The following ARHGAP18 variants were observed in gnomAD, a reference collection of about 807,000 sequenced individuals.
ARHGAP18 encodes Rho GTPase activating protein 18.
A neutral mutation model predicts 86.2 loss-of-function variants in ARHGAP18; 67 were observed. That is an observed-to-expected ratio of 0.78 (90% CI 0.64 to 0.95). The LOEUF (loss-of-function observed/expected upper bound fraction) is 0.95, where lower values mean the gene tolerates loss of function less well. ARHGAP18 is among the 40% of genes least tolerant of loss of function. ARHGAP18 has a pLI of 0.00. For missense variants in ARHGAP18, 691 were observed against 780.4 expected, an observed-to-expected ratio of 0.89 and a Z score of 1.37; for synonymous variants, 283 against 280.4, an observed-to-expected ratio of 1.01 and a Z score of -0.09.
chr6:129,663,119 A>G (rs1773984219), intron 1 of ARHGAP18, among the ~76,000 whole-genome samples: 1 of 152,192 alleles, frequency 6.6e-6, no homozygotes, highest in Non-Finnish European at 1.5e-5. Context: ...ATGTGGCCAC[A>G]AAACCCATGC....
intron 11 of ARHGAP18, 112 bp downstream of exon 11, chr6:129,600,530 T>A: frequency 1.2e-6 from 1 of 847,812 alleles, no homozygotes; most frequent in Non-Finnish European, 1.8e-6. Flanking sequence ...GAATAAAATG[T>A]TTTTAATATT....
chr6:129,664,172 G>A (rs1458279888), intron 1 of ARHGAP18, among the ~76,000 whole-genome samples: 6 of 152,160 alleles, frequency 3.9e-5, no homozygotes, highest in South Asian at 4.1e-4. Context: ...TCATTATCTC[G>A]AACCCATCAC....
Position 129,656,513 on chromosome 6 carries a change from C to T in ARHGAP18, c.114-14495G>A, listed in dbSNP as rs190132096. ...AAAGTTAGCTGGGCATGGTGGTACG[C>T]GCCTATAATCCCAGCTACTTGGGAA... On this transcript the variant is annotated intron_variant, in intron 1 of 14. Transcript: ENST00000368149. 9.2e-5 allele frequency among the ~76,000 whole-genome samples: 14 copies of T among 152,080 alleles called. No individual in the cohort carries two copies. In the East Asian group the frequency reaches 1.2e-3, roughly 13 times the overall value.
intron 1 of ARHGAP18, among the ~76,000 whole-genome samples, chr6:129,668,912 T>C (rs913961526): frequency 6.6e-6 from 1 of 152,228 alleles, no homozygotes; most frequent in Non-Finnish European, 1.5e-5. Flanking sequence ...CACAGAACTC[T>C]GGGTATAATA....
chr6:129,705,101 C>A (rs190923825), intron 1 of ARHGAP18, among the ~76,000 whole-genome samples: 1 of 152,318 alleles, frequency 6.6e-6, no homozygotes, highest in East Asian at 1.9e-4. Context: ...CTCCAGGCTA[C>A]CCTCCCTGCA....
At chr6:129,635,733 A>C (rs1297948183) in intron 3 of ARHGAP18, among the ~76,000 whole-genome samples, 2 of 152,224 alleles carry the variant, frequency 1.3e-5, no homozygotes, top group Non-Finnish European at 2.9e-5. Context: ...GGCTGGCCCA[A>C]GTTTGCTTGA....
chr6:129,587,703 C>A (rs778039617), intron 12 of ARHGAP18, among the ~76,000 whole-genome samples: 2 of 152,120 alleles, frequency 1.3e-5, no homozygotes, highest in Non-Finnish European at 2.9e-5. Flanking sequence ...GGGTTACCAC[C>A]CCCATGATTC....
Position 129,584,205 on chromosome 6 carries a change from C to A in ARHGAP18, c.1714-93G>T, listed in dbSNP as rs543074858. Reference sequence around the variant, plus strand: ...ATATAGTAAGTGTGCTTAACTACTACGCATTTTACTTCACTACATAAAAAC... The same window carrying A: ...ATATAGTAAGTGTGCTTAACTACTAAGCATTTTACTTCACTACATAAAAAC... On this transcript the variant is annotated intron_variant, in intron 12 of 14. Coordinates refer to ENST00000368149, the MANE Select transcript of ARHGAP18 (RefSeq NM_033515.3). 9 of 1,499,250 alleles carry A rather than the reference C, an allele frequency of 6.0e-6. No individual in the cohort carries two copies. The East Asian group carries it at 2.1e-4, about 36-fold the overall frequency. 92.9% of individuals were successfully genotyped at this position (1,499,250 alleles called of 1,614,324 possible). A position where few individuals can be genotyped will look rare whatever the true frequency, so the allele number is the denominator to read the frequency against.
At chr6:129,616,851 G>C (rs945251726) in intron 6 of ARHGAP18, among the ~76,000 whole-genome samples, 3 of 152,122 alleles carry the variant, frequency 2.0e-5, no homozygotes, top group Non-Finnish European at 4.4e-5. Flanking sequence ...AGCTACTTGG[G>C]GGGCTGAGGT....
At chr6:129,695,854 T>C (rs895325473) in intron 1 of ARHGAP18, among the ~76,000 whole-genome samples, 2 of 152,136 alleles carry the variant, frequency 1.3e-5, no homozygotes, top group Non-Finnish European at 2.9e-5. Flanking sequence ...GGGAAAAACA[T>C]TGTCCACCAC....
intron 1 of ARHGAP18, among the ~76,000 whole-genome samples, chr6:129,668,296 C>A (rs1216999690): frequency 6.6e-6 from 1 of 151,040 alleles, no homozygotes; most frequent in Non-Finnish European, 1.5e-5. Flanking sequence ...GTGCATGGAG[C>A]ACATGTGCAA....
At position 129,619,195 on chromosome 6, in the gene ARHGAP18, C is replaced by T. The variant is rs1789160040; in HGVS notation, c.787-343G>A. 4.5e-5 allele frequency among the ~76,000 whole-genome samples: 4 copies of T among 88,430 alleles called. No homozygotes were observed. In the Admixed American group the frequency reaches 5.8e-4, roughly 13 times the overall value. The allele number at this position is 88,430 out of a possible 152,430, so 58.0% of individuals were successfully genotyped here. A position where few individuals can be genotyped will look rare whatever the true frequency, so the allele number is the denominator to read the frequency against. ...GAAAAGGATGGCTAGAAGTCAAGCACAATCCATGAGGGGGAAGGGGAAGAA... is the reference window on the plus strand; with the variant it reads ...GAAAAGGATGGCTAGAAGTCAAGCATAATCCATGAGGGGGAAGGGGAAGAA... On this transcript the variant is annotated intron_variant, in intron 5 of 14. Transcript: ENST00000368149.
chr6:129,643,542 A>T (rs1773512939), intron 1 of ARHGAP18, among the ~76,000 whole-genome samples: 1 of 152,176 alleles, frequency 6.6e-6, no homozygotes, highest in South Asian at 2.1e-4. Flanking sequence ...CAAATTACCC[A>T]GTCTCAGGTA....
intron 6 of ARHGAP18, among the ~76,000 whole-genome samples, chr6:129,617,014 TTACAA>T (rs1369066604): frequency 6.6e-6 from 1 of 152,108 alleles, no homozygotes; most frequent in East Asian, 1.9e-4. Flanking sequence ...ATTGAACACT[TTACAA>T]TACAGCAAAA....
At chr6:129,684,024 G>A (rs1329382627) in intron 1 of ARHGAP18, among the ~76,000 whole-genome samples, 5 of 152,146 alleles carry the variant, frequency 3.3e-5, no homozygotes, top group Admixed American at 6.5e-5. Context: ...TTGGGGCGTT[G>A]AAAAATAAAG....
chr6:129,623,493 T>C (rs571912232), intron 5 of ARHGAP18, among the ~76,000 whole-genome samples: 53 of 152,250 alleles, frequency 3.5e-4, no homozygotes, highest in African/African-American at 1.2e-3. Flanking sequence ...TCATAAAGAA[T>C]TGACAAAGGT....
At chr6:129,616,765 G>C (rs1477236905) in intron 6 of ARHGAP18, among the ~76,000 whole-genome samples, 1 of 152,028 alleles carries the variant, frequency 6.6e-6, no homozygotes, top group Admixed American at 6.6e-5. Flanking sequence ...CTAAGCCTGG[G>C]CAACATAGCA....
chr6:129,672,623 T>C (rs540461954), intron 1 of ARHGAP18, among the ~76,000 whole-genome samples: 1 of 152,348 alleles, frequency 6.6e-6, no homozygotes, highest in African/African-American at 2.4e-5. Context: ...AACATTTTTT[T>C]CCAATGGCTG....
intron 1 of ARHGAP18, among the ~76,000 whole-genome samples, chr6:129,649,553 C>CAAAA (rs35700328): frequency 7.0e-4 from 35 of 49,970 alleles, no homozygotes; most frequent in East Asian, 3.9e-3. Flanking sequence ...TCTCTGTCTC[C>CAAAA]AAAAAAAAAA....
Sources: allele counts gnomAD v4.1 joint callset (sites outside exome capture counted in the v4.1 genomes callset), GRCh38; gene constraint gnomAD v4.1.1; transcripts MANE v1.5; gene names NCBI Gene and HGNC (gene_info 2026-07-23, HGNC 2026-07-21).